SLC35E2B: variants seen among roughly 807,000 people sequenced by gnomAD.
SLC35E2B encodes the protein solute carrier family 35, member E2B.
Under a neutral mutation model 32.4 loss-of-function variants are expected in SLC35E2B, and 18 were observed. The ratio of observed to expected loss-of-function variants is 0.56; its 90% confidence interval spans 0.38 to 0.82. SLC35E2B has a LOEUF of 0.82. Ranked by LOEUF, SLC35E2B falls within the 40% of genes least tolerant of loss-of-function variation. The pLI is 0.00. For missense variants in SLC35E2B, 263 were observed against 469.5 expected (o/e 0.56, Z 4.06); for synonymous variants, 132 against 209.1 (o/e 0.63, Z 3.18).
At chr1:1,684,789 CA>C (rs1175219653) in intron 2 of SLC35E2B, among the ~76,000 whole-genome samples, 64 of 23,726 alleles carry the variant, frequency 2.7e-3, no homozygotes, top group African/African-American at 3.8e-3. Context: ...GACTCCATCT[CA>C]AAAAAAAAAA....
chr1:1,669,779 G>A (rs1172182875), intron 7 of SLC35E2B, 43 bp from the exon 8 acceptor site: 1 of 1,541,830 alleles, frequency 6.5e-7, no homozygotes, highest in Admixed American at 2.0e-5. Context: ...GTCGGGACAG[G>A]CCGAGTTCAC....
intron 8 of SLC35E2B, among the ~76,000 whole-genome samples, chr1:1,668,850 G>A (rs1481523650): frequency 6.6e-6 from 1 of 152,034 alleles, no homozygotes; most frequent in African/African-American, 2.4e-5. Context: ...AACTAGCCAG[G>A]CGTGGTGGTG....
At chr1:1,682,260 G>T (rs191705631) in intron 2 of SLC35E2B, among the ~76,000 whole-genome samples, 7 of 152,144 alleles carry the variant, frequency 4.6e-5, no homozygotes, top group African/African-American at 1.2e-4. Context: ...AGGGCCAAAC[G>T]GTCCCGGGAA....
intron 6 of SLC35E2B, 90 bp from the exon 7 acceptor site, chr1:1,670,241 G>T: frequency 1.0e-6 from 1 of 958,062 alleles, no homozygotes. Context: ...ACGGAGCGAT[G>T]GCGACAATGA....
chr1:1,662,646 T>C lies in SLC35E2B; in HGVS notation c.*3136A>G, dbSNP rs1309498734. The C allele has an allele frequency of 8.2e-6, 6 of 730,958 alleles. No individual in the cohort carries two copies. Among genetic ancestry groups the C allele is most frequent in the Non-Finnish European group, 1.0e-5 (6 of 595,454 alleles). 45.3% of individuals were successfully genotyped at this position (730,958 alleles called of 1,614,324 possible). A position where few individuals can be genotyped will look rare whatever the true frequency, so the allele number is the denominator to read the frequency against. ...AGGCAGGCAGATTATTTTAATGCTG[T>C]TATACAGGGAATTGGGACTCTCGGA... On this transcript the variant is annotated 3_prime_UTR_variant, in exon 10 of 10. Coordinates refer to ENST00000617444, the MANE Select transcript of SLC35E2B (RefSeq NM_001290264.2).
intron 6 of SLC35E2B, 98 bp from the exon 7 acceptor site, chr1:1,670,249 T>C (rs1326613669): frequency 8.4e-5 from 73 of 866,384 alleles, no homozygotes; most frequent in Non-Finnish European, 1.3e-4. Flanking sequence ...ATGGCGACAA[T>C]GACCAGACCT....
intron 2 of SLC35E2B, among the ~76,000 whole-genome samples, chr1:1,686,956 T>C (rs930737717): frequency 2.0e-5 from 3 of 151,780 alleles, no homozygotes; most frequent in African/African-American, 7.3e-5. Flanking sequence ...CTCAGGAGCC[T>C]GAGGCAGGAG....
At position 1,680,307 on chromosome 1, in the gene SLC35E2B, TTAAAAAAAAG is replaced by T. The variant is rs201108699; in HGVS notation, c.-147-3471_-147-3462del. ...CAGAGCAAGACCCTGACTCTAAAAATTAAAAAAAAGTTAAAAAAAATTAAAAGAGCTTAAA... is the reference window on the plus strand; with the variant it reads ...CAGAGCAAGACCCTGACTCTAAAAATTTAAAAAAAATTAAAAGAGCTTAAA... On this transcript the variant is annotated intron_variant, in intron 2 of 9. Coordinates refer to ENST00000617444, the MANE Select transcript of SLC35E2B (RefSeq NM_001290264.2). Among the ~76,000 whole-genome samples, 429 of 151,600 alleles carry T rather than the reference TTAAAAAAAAG, an allele frequency of 2.8e-3. 3 individuals carry two copies. The highest frequency in any genetic ancestry group is 9.8e-3 in the African/African-American group (406 of 41,290).
At chr1:1,686,311 C>CT (rs1252645121) in intron 2 of SLC35E2B, among the ~76,000 whole-genome samples, 2 of 122,996 alleles carry the variant, frequency 1.6e-5, no homozygotes, top group Admixed American at 1.7e-4. Context: ...CCTCCCTTTT[C>CT]TTTTTTTTTC....
intron 2 of SLC35E2B, among the ~76,000 whole-genome samples, chr1:1,683,258 G>A (rs1012197002): frequency 2.0e-5 from 3 of 152,106 alleles, no homozygotes; most frequent in Admixed American, 2.0e-4. Flanking sequence ...CGTCCCCCTG[G>A]GGAGAGTGCC....
chr1:1,666,846 C>G (rs1324711726), intron 9 of SLC35E2B, among the ~76,000 whole-genome samples: 1 of 152,056 alleles, frequency 6.6e-6, no homozygotes, highest in African/African-American at 2.4e-5. Context: ...TGGCTCACGC[C>G]TGTAATCCCA....
rs1036428114 is a variant in SLC35E2B, at chr1:1,680,143, T to G, written c.-147-3297A>C. Among the ~76,000 whole-genome samples, 14 of 151,382 alleles carry G rather than the reference T, an allele frequency of 9.2e-5. No individual in the cohort carries two copies. The East Asian group carries it at 2.5e-3, about 27-fold the overall frequency. On this transcript the variant is annotated intron_variant, in intron 2 of 9. Transcript: ENST00000617444. ...ACTCCGTCTCAAAAAAAAAAAATTTTTTTTTAATGTAGCCGGGCATGGTGG... is the reference window on the plus strand; with the variant it reads ...ACTCCGTCTCAAAAAAAAAAAATTTGTTTTTAATGTAGCCGGGCATGGTGG...
In SLC35E2B at chr1:1,663,519, G is replaced by A; in HGVS notation, c.*2263C>T. On this transcript the variant is annotated 3_prime_UTR_variant, in exon 10 of 10. Coordinates refer to ENST00000617444, the MANE Select transcript of SLC35E2B (RefSeq NM_001290264.2). ...GGAATCTTGCCCTGTTGCCCAGGCT[G>A]GAGTGCAATGGCACGATCTTGGCTC... The A allele has an allele frequency of 1.4e-6, 1 of 720,190 alleles. No individual in the cohort carries two copies. Among genetic ancestry groups the A allele is most frequent in the Non-Finnish European group, 1.7e-6 (1 of 587,382 alleles). The allele number at this position is 720,190 out of a possible 1,614,324, so 44.6% of individuals were successfully genotyped here. A position where few individuals can be genotyped will look rare whatever the true frequency, so the allele number is the denominator to read the frequency against.
intron 7 of SLC35E2B, 120 bp from the exon 8 acceptor site, chr1:1,669,856 A>G: frequency 9.2e-7 from 1 of 1,084,080 alleles, no homozygotes; most frequent in Non-Finnish European, 1.4e-6. Flanking sequence ...CTCTCTAGAC[A>G]GGACTAGGGT....
chr1:1,674,491 C>T (rs1026566566), intron 5 of SLC35E2B: 2 of 151,946 alleles, frequency 1.3e-5, no homozygotes, highest in African/African-American at 2.4e-5. Flanking sequence ...GTGGCACATG[C>T]CTGAGGTCCC....
At chr1:1,679,555 C>G (rs761444851) in intron 2 of SLC35E2B, among the ~76,000 whole-genome samples, 15 of 151,996 alleles carry the variant, frequency 9.9e-5, no homozygotes, top group African/African-American at 3.6e-4. Context: ...GGCCAGGCGC[C>G]GTGGCTCACA....
intron 5 of SLC35E2B, chr1:1,673,376 G>T: frequency 2.3e-6 from 1 of 443,842 alleles, no homozygotes; most frequent in South Asian, 1.6e-5. Context: ...GTGGTGGTGA[G>T]AAAGTTATTA....
At chr1:1,671,353 G>A (rs771294553) in intron 6 of SLC35E2B, 156 bp downstream of exon 6, 9 of 820,004 alleles carry the variant, frequency 1.1e-5, no homozygotes, top group African/African-American at 3.6e-5. Flanking sequence ...TACCTGCCGG[G>A]GATACCTGTT....
In SLC35E2B at chr1:1,663,448, C is replaced by G; in HGVS notation, c.*2334G>C. On this transcript the variant is annotated 3_prime_UTR_variant, in exon 10 of 10. Coordinates refer to ENST00000617444, the MANE Select transcript of SLC35E2B (RefSeq NM_001290264.2). ...AATCTGTCCTCACAAATCAACAACT[C>G]CCCGCCACCTCCAGGGCATTTTCTA... The G allele has an allele frequency of 1.1e-6, 1 of 947,880 alleles. No homozygotes were observed. Among genetic ancestry groups the G allele is most frequent in the Non-Finnish European group, 1.3e-6 (1 of 795,840 alleles). 58.7% of individuals were successfully genotyped at this position (947,880 alleles called of 1,614,324 possible).
Sources: gnomAD v4.1 joint callset for allele counts (sites outside exome capture counted in the v4.1 genomes callset) on GRCh38, gnomAD v4.1.1 for gene constraint, MANE v1.5 for transcripts, NCBI Gene and HGNC (gene_info 2026-07-23, HGNC 2026-07-21) for gene names.